Variants in UNC80 observed in about 807,000 individuals in gnomAD.
The protein encoded by UNC80 is protein unc-80 homolog.
UNC80 carries 164 observed loss-of-function variants against 384.6 expected under a neutral mutation model. That is an observed-to-expected ratio of 0.43 (90% CI 0.38 to 0.49). The LOEUF is 0.49. Among genes scored for constraint, UNC80 ranks in the 20% least tolerant of loss-of-function variants. UNC80 has a pLI of 0.00. For missense variants in UNC80, 3,330 were observed against 4,143.0 expected (o/e 0.80, Z 5.39); for synonymous variants, 1,486 against 1,527.8 (o/e 0.97, Z 0.64).
intron 59 of UNC80, among the ~76,000 whole-genome samples, chr2:209,978,990 T>A (rs2093084773): frequency 6.6e-6 from 1 of 152,238 alleles, no homozygotes; most frequent in Non-Finnish European, 1.5e-5. Context: ...GGCTCATGCC[T>A]GTAGTCCCAG....
chr2:209,931,148 A>G, intron 38 of UNC80, 94 bp downstream of exon 38: 1 of 927,366 alleles, frequency 1.1e-6, no homozygotes. Context: ...TAATTACATT[A>G]CTAAAGGCAA....
chr2:209,969,480 C>G (rs2092822347), intron 52 of UNC80: 1 of 415,288 alleles, frequency 2.4e-6, no homozygotes, highest in Non-Finnish European at 4.3e-6. Context: ...TGATGGTAGT[C>G]TTAGGACCCT....
intron 21 of UNC80, 50 bp downstream of exon 21, chr2:209,842,496 CAAAA>C (rs2081840598): frequency 7.5e-7 from 1 of 1,328,180 alleles, no homozygotes; most frequent in African/African-American, 1.5e-5. Context: ...TCACACAGAA[CAAAA>C]ACTTGATTAG....
Position 209,976,450 on chromosome 2 carries a change from G to T in UNC80, c.8772+147G>T, listed in dbSNP as rs114161686. On this transcript the variant is annotated intron_variant, in intron 57 of 64. Transcript: ENST00000673920. This position sits in a 1 kb window ranked among gnomAD's most constrained non-coding sequence, Gnocchi z 4.3. ...TAATACCATGCTTGATGAGAAAACC[G>T]CCCAAAAATATATTCCAGAGGATAA... 4.9e-6 allele frequency: 5 copies of T among 1,025,658 alleles called. No homozygotes were observed. The Admixed American group carries it at 1.2e-4, about 24-fold the overall frequency. 63.5% of individuals were successfully genotyped at this position (1,025,658 alleles called of 1,614,324 possible).
chr2:209,984,291 C>T (rs962202567), intron 60 of UNC80, among the ~76,000 whole-genome samples: 63 of 152,210 alleles, frequency 4.1e-4, no homozygotes, highest in African/African-American at 1.4e-3. Flanking sequence ...ATCTTCCTTC[C>T]GTTTGTTTAC....
chr2:209,935,834 A>G lies in UNC80; in HGVS notation c.6273+26A>G, dbSNP rs1353714649. ...GTAGGAATGACTTTTAACAGAAACA[A>G]TTTTTAAGGACAATGCTATGGCCAC... On this transcript the variant is annotated intron_variant, in intron 40 of 64. Coordinates refer to ENST00000673920, the MANE Select transcript of UNC80 (RefSeq NM_001371986.1). 3.5e-6 allele frequency: 5 copies of G among 1,439,326 alleles called. No homozygotes were observed. The South Asian group carries it at 6.4e-5, about 18-fold the overall frequency. 89.2% of individuals were successfully genotyped at this position (1,439,326 alleles called of 1,614,324 possible).
chr2:209,911,125 GGAGA>G (rs889468215), intron 29 of UNC80, among the ~76,000 whole-genome samples: 1 of 152,110 alleles, frequency 6.6e-6, no homozygotes, highest in Non-Finnish European at 1.5e-5. Context: ...CAGGGCGGCA[GGAGA>G]GAGAATGAGT....
rs2153827826 is a variant in UNC80, at chr2:209,820,529, T to C, written c.2181T>C (p.Cys727=). ...QFKGVSGSST[C]GFGGPAVSGA... ...AAGGAGTATCTGGAAGTTCCACCTG[T>C]GGATTCGGAGGCCCTGCTGTTAGTG... is the stretch of plus-strand genomic sequence containing the variant. Residue 727 remains cysteine, a synonymous_variant, in exon 13 of 65, where the codon TGT becomes TGC. Transcript: ENST00000673920. 6.4e-7 allele frequency: 1 copy of C among 1,551,438 alleles called. No homozygotes were observed. Among genetic ancestry groups the C allele is most frequent in the South Asian group, 1.2e-5 (1 of 84,038 alleles).
At chr2:209,773,616 C>T (rs1045352525) in intron 2 of UNC80, among the ~76,000 whole-genome samples, 1 of 152,024 alleles carries the variant, frequency 6.6e-6, no homozygotes, top group Admixed American at 6.6e-5. Flanking sequence ...GGGGCGGGAT[C>T]GAGTGGTAGA....
At chr2:209,858,799 G>A (rs1200109780) in intron 22 of UNC80, among the ~76,000 whole-genome samples, 1 of 151,146 alleles carries the variant, frequency 6.6e-6, no homozygotes, top group Non-Finnish European at 1.5e-5. Context: ...TGCAGATTGT[G>A]ATTACTGACA....
At chr2:209,881,191 G>T (rs141705179) in intron 25 of UNC80, 97 bp downstream of exon 25, 2 of 1,353,712 alleles carry the variant, frequency 1.5e-6, no homozygotes, top group Non-Finnish European at 2.0e-6. Context: ...ATGTTCCATG[G>T]CTAGTGTATC....
Position 209,839,543 on chromosome 2 carries a change from T to G in UNC80, c.3250+113T>G. On this transcript the variant is annotated intron_variant, in intron 19 of 64. Transcript: ENST00000673920. This position sits in a 1 kb window ranked among gnomAD's most constrained non-coding sequence, Gnocchi z 4.1. ...AAGAAGACCTTCAAGTCATAAGACC[T>G]AGACTGACTTCATTCATTCATTCAT... 1 of 1,045,326 alleles carries G rather than the reference T, an allele frequency of 9.6e-7. No homozygotes were observed. The highest frequency in any genetic ancestry group is 1.6e-5 in the South Asian group (1 of 62,982). The allele number at this position is 1,045,326 out of a possible 1,614,324, so 64.8% of individuals were successfully genotyped here.
chr2:209,794,703 G>A (rs548860105), intron 7 of UNC80: 4 of 429,760 alleles, frequency 9.3e-6, no homozygotes, highest in East Asian at 7.9e-5. Context: ...TGCTATTCTC[G>A]ATAGTGAGTA....
rs1354639798 is a variant in UNC80 at position 209,786,123 on chromosome 2, G to A, written c.658G>A (p.Glu220Lys). The stretch of plus-strand genomic sequence containing the variant: ...GCTTGTTATATGGCAGCCCATGTGG[G>A]AACACAGACAGCCCGGAGTCTCTGG... ...SGLVIWQPMW[E>K]HRQPGVSGFT... Residue 220 changes from glutamate (E) to lysine (K), a missense_variant, in exon 5 of 65, where the codon GAA becomes AAA. By Grantham distance (56) the Glu-to-Lys change is moderately conservative. Around this residue, in one of 8 missense-constraint regions of UNC80, gnomAD observed 937 missense variants for 1,026.8 expected, o/e 0.91. Coordinates refer to ENST00000673920, the MANE Select transcript of UNC80 (RefSeq NM_001371986.1). 1 of 1,613,926 alleles carries A rather than the reference G, an allele frequency of 6.2e-7. No individual in the cohort carries two copies. The highest frequency in any genetic ancestry group is 8.5e-7 in the Non-Finnish European group (1 of 1,179,968).
At chr2:209,780,507 C>T (rs1173809117) in intron 4 of UNC80, among the ~76,000 whole-genome samples, 1 of 152,128 alleles carries the variant, frequency 6.6e-6, no homozygotes, top group Non-Finnish European at 1.5e-5. Context: ...ATCTCTAGAT[C>T]AGGATTTCTC....
chr2:209,948,540 T>A (rs148219517), intron 47 of UNC80, among the ~76,000 whole-genome samples: 216 of 152,322 alleles, frequency 1.4e-3, no homozygotes, highest in African/African-American at 4.6e-3. Flanking sequence ...ATTTTTTATT[T>A]TATATGTGTG....
At chr2:209,939,718 A>C in intron 43 of UNC80, 66 bp downstream of exon 43, 1 of 1,377,120 alleles carries the variant, frequency 7.3e-7, no homozygotes, top group Non-Finnish European at 9.6e-7. Flanking sequence ...TTTTTTTAAA[A>C]TTTTATTATT....
chr2:209,917,696 A>G, intron 31 of UNC80, 81 bp from the exon 32 acceptor site: 2 of 1,471,842 alleles, frequency 1.4e-6, no homozygotes, highest in South Asian at 1.3e-5. Context: ...CAGAAGATAG[A>G]AGCAGTTTCC....
At chr2:209,815,113 A>T in intron 8 of UNC80, 144 bp from the exon 9 acceptor site, 1 of 704,192 alleles carries the variant, frequency 1.4e-6, no homozygotes, top group South Asian at 3.8e-5. Context: ...CAGAATTTGG[A>T]TTCCAGAAGT....
Sources: gnomAD v4.1 joint callset for allele counts (sites outside exome capture counted in the v4.1 genomes callset) on GRCh38, gnomAD v4.1.1 for gene constraint, gnomAD v4.1.1 regional missense constraint, Gnocchi (gnomAD v3.1) non-coding constraint, MANE v1.5 for transcripts, NCBI Gene and HGNC (gene_info 2026-07-23, HGNC 2026-07-21) for gene names.